HEBP2: variants seen among roughly 807,000 people sequenced by gnomAD.
HEBP2 encodes the protein heme binding protein 2.
HEBP2 carries 27 observed loss-of-function variants against 23.1 expected under a neutral mutation model. The ratio of observed to expected loss-of-function variants is 1.17; its 90% confidence interval spans 0.86 to 1.61. The LOEUF is 1.61. Ranked by LOEUF, HEBP2 falls within the 40% of genes most tolerant of loss-of-function variation. The pLI is 0.00. For synonymous variants in HEBP2, 99 were observed against 95.1 expected (o/e 1.04, Z -0.24); for missense variants, 245 against 253.8 (o/e 0.97, Z 0.24).
At chr6:138,408,956 A>G (rs1457622791) in intron 3 of HEBP2, among the ~76,000 whole-genome samples, 3 of 152,006 alleles carry the variant, frequency 2.0e-5, no homozygotes, top group Non-Finnish European at 4.4e-5. Context: ...GCCTTTGCCC[A>G]ATTCCCACAT....
In HEBP2 at chr6:138,418,798, T is replaced by C. The variant is rs181198853; in HGVS notation, c.*5720T>C. On this transcript the variant is annotated 3_prime_UTR_variant, in exon 4 of 4. Coordinates refer to ENST00000607197, the MANE Select transcript of HEBP2 (RefSeq NM_014320.3). ...GTGACATTGAAAAACGGGAAAAAAA[T>C]TGCAATCTTCCTGCAAAAACTGGGC... 6.6e-6 allele frequency: 1 copy of C among 152,120 alleles called. No individual in the cohort carries two copies. The highest frequency in any genetic ancestry group is 2.4e-5 in the African/African-American group (1 of 41,482). 9.4% of individuals were successfully genotyped at this position (152,120 alleles called of 1,614,324 possible).
intron 3 of HEBP2, among the ~76,000 whole-genome samples, chr6:138,408,074 G>A (rs758522051): frequency 2.0e-5 from 3 of 152,214 alleles, no homozygotes; most frequent in Admixed American, 6.5e-5. Context: ...CTTTGGCATC[G>A]TTCTTCCATT....
chr6:138,404,412 C>T lies in HEBP2; in HGVS notation c.-84C>T, dbSNP rs1392259297. Reference sequence around the variant, plus strand: ...GCGGAGCGGGGACTCGGGGCCTCGGCGGGGCGCGCACACGCAGGCGGGGCG... The same window carrying T: ...GCGGAGCGGGGACTCGGGGCCTCGGTGGGGCGCGCACACGCAGGCGGGGCG... On this transcript the variant is annotated 5_prime_UTR_variant, in exon 1 of 4. Coordinates refer to ENST00000607197, the MANE Select transcript of HEBP2 (RefSeq NM_014320.3). The T allele has an allele frequency of 1.3e-5, 12 of 946,156 alleles. No individual in the cohort carries two copies. The allele number at this position is 946,156 out of a possible 1,614,324, so 58.6% of individuals were successfully genotyped here. A position where few individuals can be genotyped will look rare whatever the true frequency, so the allele number is the denominator to read the frequency against.
At position 138,417,664 on chromosome 6, in the gene HEBP2, G is replaced by A. The variant is rs1041968388; in HGVS notation, c.*4586G>A. ...GGAGATGGAGATCAGTGTCACCGGAGGCCAAGGTGAGTAAGTGAGAGGAGA... is the reference window on the plus strand; with the variant it reads ...GGAGATGGAGATCAGTGTCACCGGAAGCCAAGGTGAGTAAGTGAGAGGAGA... On this transcript the variant is annotated 3_prime_UTR_variant, in exon 4 of 4. Transcript: ENST00000607197. 7.2e-5 allele frequency: 11 copies of A among 152,540 alleles called. No individual in the cohort carries two copies. Among genetic ancestry groups the A allele is most frequent in the African/African-American group, 2.7e-4 (11 of 41,448 alleles). The allele number at this position is 152,540 out of a possible 1,614,324, so 9.4% of individuals were successfully genotyped here. A position where few individuals can be genotyped will look rare whatever the true frequency, so the allele number is the denominator to read the frequency against.
chr6:138,406,354 C>T (rs1774645783), intron 3 of HEBP2, among the ~76,000 whole-genome samples: 1 of 152,228 alleles, frequency 6.6e-6, no homozygotes, highest in Admixed American at 6.5e-5. Context: ...TTTAATGAGT[C>T]TATTGCATGC....
At chr6:138,404,790 A>G (rs1258140950) in intron 1 of HEBP2, among the ~76,000 whole-genome samples, 193 bp downstream of exon 1, 1 of 152,082 alleles carries the variant, frequency 6.6e-6, no homozygotes, top group Non-Finnish European at 1.5e-5. Context: ...TGCAGGTCCC[A>G]TCTCAATTTC....
Position 138,415,770 on chromosome 6 carries a change from TG to T in HEBP2, c.*2695del, listed in dbSNP as rs2128183076. 6.6e-6 allele frequency: 1 copy of T among 152,182 alleles called. No individual in the cohort carries two copies. Among genetic ancestry groups the T allele is most frequent in the Non-Finnish European group, 1.5e-5 (1 of 67,988 alleles). 9.4% of individuals were successfully genotyped at this position (152,182 alleles called of 1,614,324 possible). ...GAATCAAACTTGGGATCCCAAAACA[TG>T]GGATGGGAGCATTTAGTGGATCTCC... On this transcript the variant is annotated 3_prime_UTR_variant, in exon 4 of 4. Coordinates refer to ENST00000607197, the MANE Select transcript of HEBP2 (RefSeq NM_014320.3).
chr6:138,411,837 G>A (rs1774750925), intron 3 of HEBP2, among the ~76,000 whole-genome samples: 1 of 152,138 alleles, frequency 6.6e-6, no homozygotes, highest in South Asian at 2.1e-4. Context: ...TGTGGTTCCA[G>A]CAACTTGGGA....
upstream of HEBP2, chr6:138,403,580 G>T: frequency 2.1e-6 from 1 of 465,990 alleles, no homozygotes; most frequent in Non-Finnish European, 3.8e-6. Flanking sequence ...GTCCTCTGGG[G>T]GGCGCCGGAG....
In HEBP2 at chr6:138,413,964, A is replaced by G. The variant is rs1774797847; in HGVS notation, c.*886A>G. The G allele has an allele frequency of 6.6e-6, 1 of 152,316 alleles. No homozygotes were observed. Among genetic ancestry groups the G allele is most frequent in the Admixed American group, 6.5e-5 (1 of 15,288 alleles). The allele number at this position is 152,316 out of a possible 1,614,324, so 9.4% of individuals were successfully genotyped here. ...TCTAGAGGGTGAGGGAGTTCAACAC[A>G]AATAAGATGCTTGAAATTGGCAAGT... On this transcript the variant is annotated 3_prime_UTR_variant, in exon 4 of 4. Transcript: ENST00000607197.
chr6:138,404,732 A>G (rs1431097428), intron 1 of HEBP2, 135 bp downstream of exon 1: 1 of 515,538 alleles, frequency 1.9e-6, no homozygotes, highest in Non-Finnish European at 3.1e-6. Context: ...TATGCTACGC[A>G]AACGAGAAAC....
At chr6:138,407,319 C>T (rs1774665215) in intron 3 of HEBP2, among the ~76,000 whole-genome samples, 1 of 152,192 alleles carries the variant, frequency 6.6e-6, no homozygotes, top group Non-Finnish European at 1.5e-5. Context: ...GTGGGACAGA[C>T]ATAGGATAAA....
In HEBP2 at chr6:138,414,336, C is replaced by T. The variant is rs1056774789; in HGVS notation, c.*1258C>T. 1.8e-4 allele frequency: 27 copies of T among 152,270 alleles called. No homozygotes were observed. The highest frequency in any genetic ancestry group is 3.4e-3 in the Middle Eastern group (1 of 294). The allele number at this position is 152,270 out of a possible 1,614,324, so 9.4% of individuals were successfully genotyped here. A position where few individuals can be genotyped will look rare whatever the true frequency, so the allele number is the denominator to read the frequency against. On this transcript the variant is annotated 3_prime_UTR_variant, in exon 4 of 4. Coordinates refer to ENST00000607197, the MANE Select transcript of HEBP2 (RefSeq NM_014320.3). Reference sequence around the variant, plus strand: ...CAGACTTTCAAAAGCATTTAGGAGTCGAGGGAGCTTTAGTTGTGGGGATGC... The same window carrying T: ...CAGACTTTCAAAAGCATTTAGGAGTTGAGGGAGCTTTAGTTGTGGGGATGC...
rs2128183266 is a variant in HEBP2 at position 138,417,325 on chromosome 6, AG to A, written c.*4250del. On this transcript the variant is annotated 3_prime_UTR_variant, in exon 4 of 4. Transcript: ENST00000607197. ...CTTCTAAACTCCCTCTCCTCCAATCAGGGCAGTAAACCATAATAAATATTGC... is the reference window on the plus strand; with the variant it reads ...CTTCTAAACTCCCTCTCCTCCAATCAGGCAGTAAACCATAATAAATATTGC... The A allele has an allele frequency of 6.6e-6, 1 of 152,252 alleles. No homozygotes were observed. Among genetic ancestry groups the A allele is most frequent in the African/African-American group, 2.4e-5 (1 of 41,544 alleles). The allele number at this position is 152,252 out of a possible 1,614,324, so 9.4% of individuals were successfully genotyped here. A position where few individuals can be genotyped will look rare whatever the true frequency, so the allele number is the denominator to read the frequency against.
At position 138,417,171 on chromosome 6, in the gene HEBP2, G is replaced by A. The variant is rs1347970416; in HGVS notation, c.*4093G>A. The stretch of plus-strand genomic sequence containing the variant: ...GTAAACGTAGTTCTAATCAAAGTTT[G>A]GCTTACAGCAGATCTCCTGGGCCTG... On this transcript the variant is annotated 3_prime_UTR_variant, in exon 4 of 4. Coordinates refer to ENST00000607197, the MANE Select transcript of HEBP2 (RefSeq NM_014320.3). The A allele has an allele frequency of 6.6e-6, 1 of 152,158 alleles. No individual in the cohort carries two copies. The highest frequency in any genetic ancestry group is 1.5e-5 in the Non-Finnish European group (1 of 68,028). The allele number at this position is 152,158 out of a possible 1,614,324, so 9.4% of individuals were successfully genotyped here. A position where few individuals can be genotyped will look rare whatever the true frequency, so the allele number is the denominator to read the frequency against.
intron 3 of HEBP2, among the ~76,000 whole-genome samples, chr6:138,407,590 G>A (rs535685452): frequency 3.9e-5 from 6 of 152,332 alleles, no homozygotes; most frequent in Middle Eastern, 3.4e-3. Context: ...TACCAGGCTC[G>A]AATTGCACAC....
chr6:138,413,116 ATC>A lies in HEBP2; in HGVS notation c.*40_*41del. On this transcript the variant is annotated 3_prime_UTR_variant, in exon 4 of 4. Coordinates refer to ENST00000607197, the MANE Select transcript of HEBP2 (RefSeq NM_014320.3). ...GAAGTTCTGCTGTCAGAGGCAAAAC[ATC>A]TGTTTATCATAGACATCAACATGAC... 6.6e-7 allele frequency: 1 copy of A among 1,506,600 alleles called. No homozygotes were observed. Among genetic ancestry groups the A allele is most frequent in the Non-Finnish European group, 9.2e-7 (1 of 1,084,464 alleles). 93.3% of individuals were successfully genotyped at this position (1,506,600 alleles called of 1,614,324 possible).
At position 138,412,892 on chromosome 6, in the gene HEBP2, A is replaced by G; in HGVS notation, c.432A>G (p.Gly144=). The G allele has an allele frequency of 6.2e-7, 1 of 1,613,528 alleles. No individual in the cohort carries two copies. The highest frequency in any genetic ancestry group is 8.5e-7 in the Non-Finnish European group (1 of 1,179,574). Residue 144 remains glycine (G), a synonymous_variant, in exon 4 of 4, where the codon GGA becomes GGG. Coordinates refer to ENST00000607197, the MANE Select transcript of HEBP2 (RefSeq NM_014320.3). ...EMTVFVRSFD[G]FSSAQKNQEQ... ...TTCTCCTTTGTAGGTCTTTCGATGG[A>G]TTTTCTAGTGCCCAAAAGAATCAAG...
rs1037007700 is a variant in HEBP2, at chr6:138,419,916, G to A, written c.*6838G>A. 1 of 152,142 alleles carries A rather than the reference G, an allele frequency of 6.6e-6. No homozygotes were observed. Among genetic ancestry groups the A allele is most frequent in the African/African-American group, 2.4e-5 (1 of 41,418 alleles). The allele number at this position is 152,142 out of a possible 1,614,324, so 9.4% of individuals were successfully genotyped here. A position where few individuals can be genotyped will look rare whatever the true frequency, so the allele number is the denominator to read the frequency against. On this transcript the variant is annotated 3_prime_UTR_variant, in exon 4 of 4. Transcript: ENST00000607197. Reference sequence around the variant, plus strand: ...AACTACAGTCTGCTGCTACTATGTGGGCACTTTGGACTCTGTGTTCAGGGA... The same window carrying A: ...AACTACAGTCTGCTGCTACTATGTGAGCACTTTGGACTCTGTGTTCAGGGA...
Sources: allele counts gnomAD v4.1 joint callset (sites outside exome capture counted in the v4.1 genomes callset), GRCh38; gene constraint gnomAD v4.1.1; transcripts MANE v1.5; gene names NCBI Gene and HGNC (gene_info 2026-07-23, HGNC 2026-07-21).